Variants in DMD observed in about 807,000 individuals in gnomAD.
DMD encodes the protein mutant dystrophin.
In DMD, 63 loss-of-function variants were observed where a neutral mutation model predicts 330.1. The ratio of observed to expected loss-of-function variants is 0.19; its 90% CI spans 0.16 to 0.24. The LOEUF (loss-of-function observed/expected upper bound fraction) is 0.24, where lower values mean the gene tolerates loss of function less well. DMD is among the 10% of genes least tolerant of loss of function. The probability of loss-of-function intolerance (pLI) is 1.00; values close to 1 mark genes in which losing one functional copy is unlikely to be tolerated. For missense variants in DMD, 3,344 were observed against 2,684.1 expected, an observed-to-expected ratio of 1.25 and a Z score of -5.43; for synonymous variants, 1,223 against 959.8, an observed-to-expected ratio of 1.27 and a Z score of -5.07.
At chrX:32,208,171 G>A (rs1189929322) in intron 44 of DMD, among the ~76,000 whole-genome samples, 1 of 111,809 alleles carries the variant, frequency 8.9e-6, no homozygotes, top group Non-Finnish European at 1.9e-5. Flanking sequence ...AGACTGAATG[G>A]TAATGCAAAC....
intron 44 of DMD, among the ~76,000 whole-genome samples, chrX:32,191,267 C>G (rs2096974177): frequency 8.9e-6 from 1 of 111,777 alleles, no homozygotes; most frequent in Non-Finnish European, 1.9e-5. Context: ...CGTAACAGTC[C>G]TTCAAACATT....
rs149554245 is a variant in DMD at position 32,334,183 on chromosome X, T to A, written c.5922+7917A>T. Among the ~76,000 whole-genome samples, 61 of 111,797 alleles carry A rather than the reference T, an allele frequency of 5.5e-4. No homozygotes were observed. In the East Asian group the frequency reaches 0.014, roughly 25 times the overall value. ...AAACATAAAATGTTAGCTAATTTCT[T>A]TTTTAATCCTTGTAATATGTTAATT... On this transcript the variant is annotated intron_variant, in intron 41 of 78. Coordinates refer to ENST00000357033, the MANE Select transcript of DMD (RefSeq NM_004006.3).
chrX:31,491,490 G>C (rs1397299996), intron 57 of DMD, among the ~76,000 whole-genome samples: 1 of 112,429 alleles, frequency 8.9e-6, no homozygotes, highest in East Asian at 2.8e-4. Context: ...TAAAAGCCAG[G>C]ATAATGTATT....
intron 47 of DMD, among the ~76,000 whole-genome samples, chrX:31,886,694 T>A (rs1815781239): frequency 8.9e-6 from 1 of 111,798 alleles, no homozygotes; most frequent in Non-Finnish European, 1.9e-5. Flanking sequence ...TTCTCATTAC[T>A]GATAGCAAGC....
In DMD at chrX:31,804,506, C is replaced by A. The variant is rs895047058; in HGVS notation, c.7309+15469G>T. On this transcript the variant is annotated intron_variant, in intron 50 of 78. Transcript: ENST00000357033. ...TCAGCCAGAGTAATCCCTCTAAAACCCAAATATGCTCATGTCACTAGTCTC... is the reference window on the plus strand; with the variant it reads ...TCAGCCAGAGTAATCCCTCTAAAACACAAATATGCTCATGTCACTAGTCTC... Among the ~76,000 whole-genome samples, 100 of 111,997 alleles carry A rather than the reference C, an allele frequency of 8.9e-4. 1 individual carries two copies. Among genetic ancestry groups the A allele is most frequent in the Non-Finnish European group, 2.1e-4 (11 of 53,220 alleles).
intron 62 of DMD, among the ~76,000 whole-genome samples, chrX:31,310,244 T>A (rs1236881916): frequency 1.8e-5 from 2 of 109,050 alleles, no homozygotes; most frequent in African/African-American, 3.4e-5. Flanking sequence ...TGTCTGTGTA[T>A]GTATGTATGT....
chrX:32,169,719 C>A (rs2096880593), intron 44 of DMD, among the ~76,000 whole-genome samples: 1 of 111,966 alleles, frequency 8.9e-6, no homozygotes, highest in Admixed American at 9.5e-5. Flanking sequence ...TACCCCTTCT[C>A]TAGAGTTGCC....
chrX:32,432,588 A>G (rs780979629), intron 29 of DMD, among the ~76,000 whole-genome samples: 1 of 112,099 alleles, frequency 8.9e-6, no homozygotes, highest in East Asian at 2.8e-4. Context: ...AGCTAATCAA[A>G]TCTATTTCAT....
chrX:33,055,376 A>T (rs1362828771), intron 1 of DMD, among the ~76,000 whole-genome samples: 2 of 111,936 alleles, frequency 1.8e-5, no homozygotes, highest in Non-Finnish European at 3.8e-5. Context: ...CAATGAGCAT[A>T]GAAATTGTTA....
chrX:31,750,168 T>G (rs2088380835), intron 51 of DMD, among the ~76,000 whole-genome samples: 1 of 110,408 alleles, frequency 9.1e-6, no homozygotes, highest in Admixed American at 9.7e-5. Flanking sequence ...ATTTGTCAAT[T>G]TTGGCTTTTG....
At chrX:32,052,158 T>G (rs892652714) in intron 44 of DMD, among the ~76,000 whole-genome samples, 2 of 111,376 alleles carry the variant, frequency 1.8e-5, no homozygotes, top group African/African-American at 6.5e-5. Context: ...AGAACCTGAG[T>G]AAGTAAATTC....
At position 32,558,938 on chromosome X, in the gene DMD, C is replaced by CTTTTTTTTTTT. The variant is rs60739281; in HGVS notation, c.1992+6753_1992+6763dup. Among the ~76,000 whole-genome samples, 11 of 50,816 alleles carry CTTTTTTTTTTT rather than the reference C, an allele frequency of 2.2e-4. 2 individuals are homozygous for CTTTTTTTTTTT. Among genetic ancestry groups the CTTTTTTTTTTT allele is most frequent in the African/African-American group, 4.1e-4 (4 of 9,735 alleles). 44.1% of individuals were successfully genotyped at this position (50,816 alleles called of 115,157 possible). A position where few individuals can be genotyped will look rare whatever the true frequency, so the allele number is the denominator to read the frequency against. On this transcript the variant is annotated intron_variant, in intron 16 of 78. Transcript: ENST00000357033. Reference sequence around the variant, plus strand: ...TATTTGAGATGTAACTTCAAATTTTCTTTTTTTTTTTTTTTTTTTTTTTTT... The same window carrying CTTTTTTTTTTT: ...TATTTGAGATGTAACTTCAAATTTTCTTTTTTTTTTTTTTTTTTTTTTTTTTTTTTTTTTTT...
chrX:31,854,065 G>A (rs974905647), intron 48 of DMD, among the ~76,000 whole-genome samples: 15 of 112,037 alleles, frequency 1.3e-4, no homozygotes, highest in Admixed American at 1.0e-3. Flanking sequence ...AGAGATACCC[G>A]ATGCTACCTT....
chrX:32,875,104 T>C (rs2083278856), intron 2 of DMD, among the ~76,000 whole-genome samples: 1 of 112,348 alleles, frequency 8.9e-6, no homozygotes, highest in African/African-American at 3.2e-5. Flanking sequence ...TTTTGTTACA[T>C]AGTAATAGAA....
chrX:32,749,929 TCA>T (rs1203269674), intron 7 of DMD, among the ~76,000 whole-genome samples: 4 of 112,562 alleles, frequency 3.6e-5, no homozygotes, highest in African/African-American at 1.3e-4. Context: ...AACCAATGAA[TCA>T]CAATTTGTTC....
chrX:31,135,665 G>A (rs1040715710), intron 76 of DMD, among the ~76,000 whole-genome samples: 1 of 112,467 alleles, frequency 8.9e-6, no homozygotes, highest in Non-Finnish European at 1.9e-5. Context: ...ACTTCAAACA[G>A]CATTTGCAAG....
chrX:33,303,138 A>C (rs905364245), intron 1 of DMD, among the ~76,000 whole-genome samples: 1 of 111,648 alleles, frequency 9.0e-6, no homozygotes, highest in African/African-American at 3.3e-5. Context: ...TGAATGTTCT[A>C]CATCTTATTT....
intron 1 of DMD, among the ~76,000 whole-genome samples, chrX:33,045,637 G>A (rs1263585786): frequency 3.7e-5 from 4 of 109,326 alleles, no homozygotes; most frequent in African/African-American, 6.7e-5. Context: ...GCTAGAAGCC[G>A]TGTGGGGGTG....
chrX:31,792,816 G>A (rs1024312759), intron 50 of DMD, among the ~76,000 whole-genome samples: 5 of 111,642 alleles, frequency 4.5e-5, no homozygotes, highest in South Asian at 3.8e-4. Flanking sequence ...TGCCATCCAC[G>A]GACAGCTTAG....
Sources: gnomAD v4.1 joint callset for allele counts (sites outside exome capture counted in the v4.1 genomes callset) on GRCh38, gnomAD v4.1.1 for gene constraint, MANE v1.5 for transcripts, NCBI Gene and HGNC (gene_info 2026-07-23, HGNC 2026-07-21) for gene names.